CENPV: variants seen among roughly 807,000 people sequenced by gnomAD.
The protein encoded by CENPV is centromere protein V.
In CENPV, 15 loss-of-function variants were observed where a neutral mutation model predicts 26.4. The ratio of observed to expected loss-of-function variants is 0.57; its 90% CI spans 0.38 to 0.88. The LOEUF (loss-of-function observed/expected upper bound fraction) is 0.88. CENPV is among the 40% of genes least tolerant of loss of function. The pLI is 0.00. For missense variants in CENPV, 336 were observed against 376.5 expected (o/e 0.89, Z 0.89); for synonymous variants, 172 against 165.5 (o/e 1.04, Z -0.30).
chr17:16,344,426 C>T (rs2093196005), intron 4 of CENPV, 171 bp downstream of exon 4: 2 of 375,690 alleles, frequency 5.3e-6, no homozygotes, highest in East Asian at 4.0e-5. Flanking sequence ...CACCGGAGCC[C>T]GACTCACATT....
Position 16,353,395 on chromosome 17 carries a change from C to T in CENPV, c.42G>A (p.Gly14=). ...CCGCGGAGGCCCCGGACCGCTTCTGCCCGCGCAGCTTGGCGGCCGCAGAGC... is the reference window on the plus strand; with the variant it reads ...CCGCGGAGGCCCCGGACCGCTTCTGTCCGCGCAGCTTGGCGGCCGCAGAGC... The part of the protein sequence containing the change: ...SRSSAAAKLR[G]QKRSGASAAP... The change falls in exon 1 of 5, where the codon GGG becomes GGA. Residue 14 remains glycine (G), a synonymous_variant. Coordinates refer to ENST00000299736, the MANE Select transcript of CENPV (RefSeq NM_181716.3). 1 of 1,186,714 alleles carries T rather than the reference C, an allele frequency of 8.4e-7. No individual in the cohort carries two copies. Among genetic ancestry groups the T allele is most frequent in the Non-Finnish European group, 1.0e-6 (1 of 959,688 alleles). 73.5% of individuals were successfully genotyped at this position (1,186,714 alleles called of 1,614,324 possible).
chr17:16,342,752 C>T lies in CENPV; in HGVS notation c.*65G>A, dbSNP rs114309459. 1,858 of 1,603,946 alleles carry T rather than the reference C, an allele frequency of 1.2e-3. 22 individuals carry two copies. In the African/African-American group the frequency reaches 0.021, roughly 18 times the overall value. On this transcript the variant is annotated 3_prime_UTR_variant, in exon 5 of 5. Coordinates refer to ENST00000299736, the MANE Select transcript of CENPV (RefSeq NM_181716.3). Reference sequence around the variant, plus strand: ...CACATTCAGGAGCACCACCGAGGCACGGCAGGGAGAGCAAAGTTGCTGGCC... The same window carrying T: ...CACATTCAGGAGCACCACCGAGGCATGGCAGGGAGAGCAAAGTTGCTGGCC...
Position 16,350,687 on chromosome 17 carries a change from A to C in CENPV, c.411-658T>G, listed in dbSNP as rs552155699. The C allele has an allele frequency of 3.3e-5, 5 of 152,264 alleles. No homozygotes were observed. In the South Asian group the frequency reaches 1.0e-3, roughly 32 times the overall value. The allele number at this position is 152,264 out of a possible 1,614,324, so 9.4% of individuals were successfully genotyped here. On this transcript the variant is annotated intron_variant, in intron 1 of 4. Coordinates refer to ENST00000299736, the MANE Select transcript of CENPV (RefSeq NM_181716.3). ...AGCTAGGCACGAAGGAGAGAACACT[A>C]AACAAGATACAGCAGACACGATTGC...
intron 3 of CENPV, chr17:16,347,934 G>A (rs1188190855): frequency 1.3e-5 from 2 of 152,026 alleles, no homozygotes; most frequent in Admixed American, 6.6e-5. Context: ...CAAAAAGAAT[G>A]GTAAAATTCT....
chr17:16,352,885 C>CG (rs2093233866), intron 1 of CENPV, 142 bp downstream of exon 1: 19 of 1,237,724 alleles, frequency 1.5e-5, no homozygotes, highest in Non-Finnish European at 2.0e-5. Context: ...CCAGTGCTAA[C>CG]GGGGGAGCCG....
In CENPV at chr17:16,353,255, G is replaced by A. The variant is rs1449985900; in HGVS notation, c.182C>T (p.Pro61Leu). The A allele has an allele frequency of 1.6e-5, 22 of 1,417,418 alleles. No individual in the cohort carries two copies. The highest frequency in any genetic ancestry group is 1.1e-4 in the Admixed American group (4 of 37,188). 87.8% of individuals were successfully genotyped at this position (1,417,418 alleles called of 1,614,324 possible). A position where few individuals can be genotyped will look rare whatever the true frequency, so the allele number is the denominator to read the frequency against. ...CCGCGGCGACGAGCGCCTCAGCCGC[G>A]GCTTCTCCGACGGCGGCTTCTCCAC... ...QAVEKPPSEK[P>L]RLRRSSPRAQ... Residue 61 changes from proline to leucine, a missense_variant, in exon 1 of 5, where the codon CCG becomes CTG. Pro to Leu is a moderately conservative substitution (Grantham distance 98). Around this residue, in one of 2 missense-constraint regions of CENPV, gnomAD observed 181 missense variants for 148.8 expected, o/e 1.22. Coordinates refer to ENST00000299736, the MANE Select transcript of CENPV (RefSeq NM_181716.3).
chr17:16,345,495 G>A (rs962007383), intron 3 of CENPV, among the ~76,000 whole-genome samples: 1 of 151,950 alleles, frequency 6.6e-6, no homozygotes, highest in African/African-American at 2.4e-5. Flanking sequence ...AGTTGAGCCT[G>A]GGGAAGTAGA....
In CENPV at chr17:16,348,384, T is replaced by C. The variant is rs1600905668; in HGVS notation, c.579+232A>G. ...GTTGGCCAGGCTGGTCCTCAACTCC[T>C]GACTTCAGGTGATCCATCCATCTTG... On this transcript the variant is annotated intron_variant, in intron 3 of 4. Transcript: ENST00000299736. The C allele has an allele frequency of 2.9e-6, 3 of 1,045,376 alleles. No homozygotes were observed. The South Asian group carries it at 6.5e-5, about 23-fold the overall frequency. The allele number at this position is 1,045,376 out of a possible 1,614,324, so 64.8% of individuals were successfully genotyped here.
At chr17:16,344,423 G>T (rs928875568) in intron 4 of CENPV, 174 bp downstream of exon 4, 6 of 371,468 alleles carry the variant, frequency 1.6e-5, no homozygotes, top group Non-Finnish European at 2.9e-5. Context: ...TTTCACCGGA[G>T]CCCGACTCAC....
chr17:16,344,769 T>TTA, intron 3 of CENPV, 58 bp from the exon 4 acceptor site: 2 of 935,044 alleles, frequency 2.1e-6, no homozygotes, highest in African/African-American at 1.8e-5. Context: ...TTATTTAATT[T>TTA]ATTTATTTAT....
rs550008287 is a variant in CENPV, at chr17:16,342,815, G to A, written c.*2C>T. On this transcript the variant is annotated 3_prime_UTR_variant, in exon 5 of 5. Coordinates refer to ENST00000299736, the MANE Select transcript of CENPV (RefSeq NM_181716.3). ...CCTTTTCAGGGCAGGAGAGGCAGAA[G>A]CTCACTCTTTAGACATGTTCTTGAT... is the stretch of plus-strand genomic sequence containing the variant. 579 of 1,614,058 alleles carry A rather than the reference G, an allele frequency of 3.6e-4. 13 individuals are homozygous for A. In the South Asian group the frequency reaches 5.8e-3, roughly 16 times the overall value.
chr17:16,345,655 C>T (rs1197051517), intron 3 of CENPV, among the ~76,000 whole-genome samples: 1 of 152,180 alleles, frequency 6.6e-6, no homozygotes, highest in Non-Finnish European at 1.5e-5. Context: ...GACCCATCTA[C>T]ACTATCCAGA....
chr17:16,346,798 TTTC>T (rs2093208591), intron 3 of CENPV, among the ~76,000 whole-genome samples: 1 of 151,500 alleles, frequency 6.6e-6, no homozygotes, highest in Admixed American at 6.6e-5. Flanking sequence ...TATGCTACCA[TTTC>T]TTTTTTTTTT....
At chr17:16,345,763 G>A (rs1331372932) in intron 3 of CENPV, among the ~76,000 whole-genome samples, 1 of 152,086 alleles carries the variant, frequency 6.6e-6, no homozygotes. Context: ...ACATCAGGGA[G>A]GGAAAGTGCT....
rs756529058 is a variant in CENPV at position 16,344,631 on chromosome 17, G to A, written c.660C>T (p.Ser220=). ...HTFCKRCGVQ[S]FYTPRSNPGG... ...CGGGGTTTGATCGTGGAGTATAGAA[G>A]CTCTGAACGCCACATCTCTTACAGA... Residue 220 remains serine, a synonymous_variant, in exon 4 of 5, where the codon AGC becomes AGT. Transcript: ENST00000299736. 10 of 1,598,490 alleles carry A rather than the reference G, an allele frequency of 6.3e-6. No homozygotes were observed. The highest frequency in any genetic ancestry group is 5.1e-6 in the Non-Finnish European group (6 of 1,173,592).
At chr17:16,343,320 T>G (rs2093190481) in intron 4 of CENPV, among the ~76,000 whole-genome samples, 1 of 152,210 alleles carries the variant, frequency 6.6e-6, no homozygotes, top group Admixed American at 6.5e-5. Context: ...TTTCCTGTGT[T>G]TAGATAGATA....
Position 16,353,255 on chromosome 17 carries a change from G to C in CENPV, c.182C>G (p.Pro61Arg). The change falls in exon 1 of 5, where the codon CCG becomes CGG. Residue 61 changes from proline to arginine, a missense_variant. Pro to Arg is a moderately radical substitution (Grantham distance 103). Coordinates refer to ENST00000299736, the MANE Select transcript of CENPV (RefSeq NM_181716.3). ...QAVEKPPSEK[P>R]RLRRSSPRAQ... is the part of the protein sequence containing the mutation. ...CCGCGGCGACGAGCGCCTCAGCCGCGGCTTCTCCGACGGCGGCTTCTCCAC... is the reference window on the plus strand; with the variant it reads ...CCGCGGCGACGAGCGCCTCAGCCGCCGCTTCTCCGACGGCGGCTTCTCCAC... 1 of 1,417,526 alleles carries C rather than the reference G, an allele frequency of 7.1e-7. No individual in the cohort carries two copies. 87.8% of individuals were successfully genotyped at this position (1,417,526 alleles called of 1,614,324 possible).
intron 1 of CENPV, among the ~76,000 whole-genome samples, chr17:16,352,643 GAGAA>G (rs1027520825): frequency 1.7e-4 from 26 of 152,154 alleles, no homozygotes; most frequent in Admixed American, 3.3e-4. Context: ...ATTCGGGTAA[GAGAA>G]AGCCGTGGGA....
At position 16,342,764 on chromosome 17, in the gene CENPV, C is replaced by A. The variant is rs1192143951; in HGVS notation, c.*53G>T. On this transcript the variant is annotated 3_prime_UTR_variant, in exon 5 of 5. Transcript: ENST00000299736. ...CACCACCGAGGCACGGCAGGGAGAG[C>A]AAAGTTGCTGGCCCCAATCATTCCT... The A allele has an allele frequency of 1.1e-5, 17 of 1,611,254 alleles. No individual in the cohort carries two copies. Among genetic ancestry groups the A allele is most frequent in the Non-Finnish European group, 1.4e-5 (16 of 1,178,088 alleles).
Sources: gnomAD v4.1 joint callset for allele counts (sites outside exome capture counted in the v4.1 genomes callset) on GRCh38, gnomAD v4.1.1 for gene constraint, gnomAD v4.1.1 regional missense constraint, MANE v1.5 for transcripts, NCBI Gene and HGNC (gene_info 2026-07-23, HGNC 2026-07-21) for gene names.